PPFIBP2: variants seen among roughly 807,000 people sequenced by gnomAD.
PPFIBP2 encodes the protein PPFIB scaffold protein 2, also known as liprin-beta-2.
Under a neutral mutation model 118.3 loss-of-function variants are expected in PPFIBP2, and 118 were observed. That is an observed-to-expected ratio of 1.00 (90% CI 0.86 to 1.16). The LOEUF (loss-of-function observed/expected upper bound fraction) is 1.16, where lower values mean the gene tolerates loss of function less well. PPFIBP2 is among the 50% of genes most tolerant of loss of function. The probability of loss-of-function intolerance (pLI) is 0.00; values close to 1 mark genes in which losing one functional copy is unlikely to be tolerated. For synonymous variants in PPFIBP2, 414 were observed against 397.4 expected, an observed-to-expected ratio of 1.04 and a Z score of -0.50; for missense variants, 1,195 against 1,073.1, an observed-to-expected ratio of 1.11 and a Z score of -1.59.
chr11:7,656,596 C>A, downstream of PPFIBP2: 2 of 454,138 alleles, frequency 4.4e-6, no homozygotes, highest in South Asian at 1.8e-5. Context: ...TTTCTTGGGA[C>A]ACTATAAACT....
intron 3 of PPFIBP2, among the ~76,000 whole-genome samples, chr11:7,583,211 C>CTGT (rs1167255559): frequency 6.6e-6 from 1 of 152,180 alleles, no homozygotes; most frequent in Non-Finnish European, 1.5e-5. Context: ...CTTCCCCATA[C>CTGT]ATTTTCCTTT....
chr11:7,534,062 T>C (rs542252629), intron 1 of PPFIBP2, among the ~76,000 whole-genome samples: 2 of 152,222 alleles, frequency 1.3e-5, no homozygotes, highest in Admixed American at 1.3e-4. Flanking sequence ...TAAACTGTGG[T>C]GAGGTGAGAG....
At chr11:7,545,053 A>G (rs1852191855) in intron 1 of PPFIBP2, among the ~76,000 whole-genome samples, 2 of 152,266 alleles carry the variant, frequency 1.3e-5, no homozygotes, top group South Asian at 2.1e-4. Context: ...CTGTGATACT[A>G]TGATATACAG....
chr11:7,624,668 G>A (rs1035296023), intron 7 of PPFIBP2, among the ~76,000 whole-genome samples: 2 of 152,198 alleles, frequency 1.3e-5, no homozygotes, highest in African/African-American at 4.8e-5. Context: ...TACCTGGTTT[G>A]ATGCTGAGAG....
Position 7,648,772 on chromosome 11 carries a change from A to C in PPFIBP2, c.1798-28A>C, listed in dbSNP as rs1171739156. On this transcript the variant is annotated intron_variant, in intron 18 of 23. Transcript: ENST00000299492. ...GGGCCAAATTGCCTGCCAAAATTTC[A>C]CATGTGGTCTTCATCTTTTAATTTC... 9 of 1,604,634 alleles carry C rather than the reference A, an allele frequency of 5.6e-6. No homozygotes were observed. The Admixed American group carries it at 1.2e-4, about 21-fold the overall frequency.
chr11:7,559,880 G>T (rs1435089907), intron 2 of PPFIBP2, among the ~76,000 whole-genome samples: 1 of 151,994 alleles, frequency 6.6e-6, no homozygotes, highest in Admixed American at 6.5e-5. Context: ...TTTGTTTCTG[G>T]TACCCAAGGT....
chr11:7,666,271 G>A, the PPFIBP2 span: 9 of 602,040 alleles, frequency 1.5e-5, no homozygotes, highest in South Asian at 8.3e-5. Context: ...TTAAAAGCAG[G>A]CCATCCCAAA....
At position 7,653,489 on chromosome 11, in the gene PPFIBP2, T is replaced by C. The variant is rs780229739; in HGVS notation, c.*271T>C. 8.4e-6 allele frequency: 12 copies of C among 1,425,910 alleles called. No homozygotes were observed. Among genetic ancestry groups the C allele is most frequent in the Non-Finnish European group, 1.1e-5 (12 of 1,077,578 alleles). 88.3% of individuals were successfully genotyped at this position (1,425,910 alleles called of 1,614,324 possible). Reference sequence around the variant, plus strand: ...CTTTTACATGTCTAGTAATTCTTGATGTTCATCTTCAGCACCAGTGGAAAC... The same window carrying C: ...CTTTTACATGTCTAGTAATTCTTGACGTTCATCTTCAGCACCAGTGGAAAC... On this transcript the variant is annotated 3_prime_UTR_variant, in exon 24 of 24. Coordinates refer to ENST00000299492, the MANE Select transcript of PPFIBP2 (RefSeq NM_003621.5).
intron 3 of PPFIBP2, chr11:7,577,777 C>T (rs1856662259): frequency 2.5e-6 from 1 of 408,054 alleles, no homozygotes. Context: ...CCAAGTTCTT[C>T]ATGAGAATCT....
intron 14 of PPFIBP2, among the ~76,000 whole-genome samples, chr11:7,638,672 AG>A (rs1851744398): frequency 6.6e-6 from 1 of 152,248 alleles, no homozygotes; most frequent in Non-Finnish European, 1.5e-5. Flanking sequence ...GGATCTAATC[AG>A]GTGATCCACA....
chr11:7,601,145 G>C (rs1395530890), intron 5 of PPFIBP2, among the ~76,000 whole-genome samples: 1 of 152,190 alleles, frequency 6.6e-6, no homozygotes, highest in Non-Finnish European at 1.5e-5. Flanking sequence ...GAGCACAAGA[G>C]GTGAGGAGTT....
intron 1 of PPFIBP2, among the ~76,000 whole-genome samples, chr11:7,547,320 G>A (rs570364665): frequency 3.9e-5 from 6 of 152,292 alleles, no homozygotes; most frequent in African/African-American, 1.4e-4. Context: ...GGGCTCGGGA[G>A]CAGACAGGAG....
At chr11:7,652,316 C>T (rs557162614) in intron 23 of PPFIBP2, among the ~76,000 whole-genome samples, 1 of 152,316 alleles carries the variant, frequency 6.6e-6, no homozygotes, top group East Asian at 1.9e-4. Flanking sequence ...ACCCAGAGGT[C>T]CCCAGGTCTT....
intron 17 of PPFIBP2, among the ~76,000 whole-genome samples, chr11:7,643,012 A>G (rs1414181847): frequency 1.3e-5 from 2 of 152,160 alleles, no homozygotes; most frequent in African/African-American, 4.8e-5. Flanking sequence ...TTATTCTTCG[A>G]TGAGTATCCC....
At chr11:7,664,898 CTG>C in the PPFIBP2 span, among the ~76,000 whole-genome samples, 1 of 139,748 alleles carries the variant, frequency 7.2e-6, no homozygotes, top group Admixed American at 7.9e-5. Flanking sequence ...TGAGAAGTTT[CTG>C]TGTGTAACCA....
downstream of PPFIBP2, among the ~76,000 whole-genome samples, chr11:7,661,126 G>GT (rs1189968806): frequency 6.6e-6 from 1 of 151,472 alleles, no homozygotes; most frequent in Non-Finnish European, 1.5e-5. Flanking sequence ...TTTTTGAAGG[G>GT]TTTTTTGTGT....
chr11:7,653,133 A>C lies in PPFIBP2; in HGVS notation c.2546A>C (p.His849Pro), dbSNP rs193063179. The part of the protein sequence containing the change: ...MEPSDGVSDS[H>P]RVYSGYRGLS... ...CCCAGTGACGGTGTCAGTGATAGTC[A>C]CAGGGTCTACAGTGGCTACCGGGGC... The change falls in exon 24 of 24, where the codon CAC becomes CCC. Residue 849 changes from histidine to proline, a missense_variant. Coordinates refer to ENST00000299492, the MANE Select transcript of PPFIBP2 (RefSeq NM_003621.5). 19 of 1,614,244 alleles carry C rather than the reference A, an allele frequency of 1.2e-5. No individual in the cohort carries two copies. In the Admixed American group the frequency reaches 3.0e-4, roughly 25 times the overall value.
At chr11:7,584,271 T>A (rs965109199) in intron 3 of PPFIBP2, among the ~76,000 whole-genome samples, 1 of 152,218 alleles carries the variant, frequency 6.6e-6, no homozygotes, top group African/African-American at 2.4e-5. Context: ...AGAAGCTATT[T>A]ATTTGCTGTT....
chr11:7,617,628 G>C (rs1848819700), intron 6 of PPFIBP2, among the ~76,000 whole-genome samples: 1 of 152,118 alleles, frequency 6.6e-6, no homozygotes, highest in South Asian at 2.1e-4. Flanking sequence ...ATGTGACTCA[G>C]ATACTGATTC....
Sources: gnomAD v4.1 joint callset for allele counts (sites outside exome capture counted in the v4.1 genomes callset) on GRCh38, gnomAD v4.1.1 for gene constraint, MANE v1.5 for transcripts, NCBI Gene and HGNC (gene_info 2026-07-23, HGNC 2026-07-21) for gene names.